The following PPP1R12B variants were observed in gnomAD, a reference collection of about 807,000 sequenced individuals.
The protein encoded by PPP1R12B is myosin phosphatase target subunit 2.
In PPP1R12B, 76 loss-of-function variants were observed where a neutral mutation model predicts 126.1. The observed-to-expected ratio is 0.60, with a 90% CI of 0.50 to 0.73. The LOEUF (loss-of-function observed/expected upper bound fraction) is 0.73, where lower values mean the gene tolerates loss of function less well. Ranked by LOEUF, PPP1R12B falls within the 30% of genes least tolerant of loss-of-function variation. PPP1R12B has a pLI of 0.00. For missense variants in PPP1R12B, 1,052 were observed against 1,205.1 expected (o/e 0.87, Z 1.88); for synonymous variants, 356 against 434.7 (o/e 0.82, Z 2.25).
intron 1 of PPP1R12B, among the ~76,000 whole-genome samples, chr1:202,396,125 T>G (rs1416226151): frequency 1.3e-5 from 2 of 152,214 alleles, no homozygotes; most frequent in Non-Finnish European, 2.9e-5. Flanking sequence ...CTGATCTGGC[T>G]TTTGTGTTTA....
intron 18 of PPP1R12B, among the ~76,000 whole-genome samples, chr1:202,541,848 G>A (rs1361763870): frequency 4.6e-5 from 7 of 152,062 alleles, no homozygotes; most frequent in Admixed American, 2.6e-4. Context: ...CCTCATCCCT[G>A]CCTTTTAGAC....
chr1:202,548,356 T>A (rs1174040492), intron 18 of PPP1R12B, among the ~76,000 whole-genome samples: 2 of 151,752 alleles, frequency 1.3e-5, no homozygotes, highest in Non-Finnish European at 2.9e-5. Flanking sequence ...GAATGTTTTG[T>A]TTTGTTTTGT....
At chr1:202,412,614 T>C (rs1454216028) in intron 1 of PPP1R12B, among the ~76,000 whole-genome samples, 2 of 152,192 alleles carry the variant, frequency 1.3e-5, no homozygotes, top group Non-Finnish European at 2.9e-5. Flanking sequence ...ATTTTGCAAC[T>C]CAGGAAGAAG....
chr1:202,494,583 A>T (rs1017568256), intron 15 of PPP1R12B, among the ~76,000 whole-genome samples: 19 of 59,244 alleles, frequency 3.2e-4, no homozygotes, highest in African/African-American at 5.2e-4. Context: ...TCTCAGGTTT[A>T]AAAAAAAAAA....
chr1:202,445,110 C>T lies in PPP1R12B; in HGVS notation c.1667+2538C>T, dbSNP rs185962951. 421 of 1,247,114 alleles carry T rather than the reference C, an allele frequency of 3.4e-4. No homozygotes were observed. The African/African-American group carries it at 5.7e-3, about 17-fold the overall frequency. The allele number at this position is 1,247,114 out of a possible 1,614,324, so 77.3% of individuals were successfully genotyped here. A position where few individuals can be genotyped will look rare whatever the true frequency, so the allele number is the denominator to read the frequency against. On this transcript the variant is annotated intron_variant, in intron 12 of 23. Coordinates refer to ENST00000608999, the MANE Select transcript of PPP1R12B (RefSeq NM_002481.4). The stretch of plus-strand genomic sequence containing the variant: ...CATTTCAGCCAATCGCAATTCATCT[C>T]CTGCTACCTCACCCATTACCATTGG...
intron 13 of PPP1R12B, chr1:202,462,705 T>C: frequency 1.1e-6 from 1 of 939,032 alleles, no homozygotes; most frequent in Non-Finnish European, 1.3e-6. Flanking sequence ...CCCTCCCTTG[T>C]TTTTTATCAG....
At chr1:202,441,731 C>T (rs1671639477) in intron 11 of PPP1R12B, among the ~76,000 whole-genome samples, 1 of 152,030 alleles carries the variant, frequency 6.6e-6, no homozygotes, top group African/African-American at 2.4e-5. Flanking sequence ...AGCAAGACTT[C>T]TTTCCCTTTC....
chr1:202,490,857 AT>A (rs1678770376), intron 14 of PPP1R12B, among the ~76,000 whole-genome samples: 2 of 152,182 alleles, frequency 1.3e-5, no homozygotes, highest in Non-Finnish European at 2.9e-5. Context: ...TTGTATATCC[AT>A]TCATCTGTCA....
chr1:202,559,153 T>A (rs1391334727), intron 19 of PPP1R12B, among the ~76,000 whole-genome samples: 1 of 152,194 alleles, frequency 6.6e-6, no homozygotes, highest in African/African-American at 2.4e-5. Context: ...TAATTTTTTT[T>A]AAAGCACCAG....
At chr1:202,502,456 C>T (rs1241203434) in intron 18 of PPP1R12B, 1 of 983,472 alleles carries the variant, frequency 1.0e-6, no homozygotes. Flanking sequence ...CCACTAAATG[C>T]ATTTTCCATT....
intron 13 of PPP1R12B, among the ~76,000 whole-genome samples, chr1:202,452,043 A>G (rs1194190921): frequency 6.6e-6 from 1 of 151,266 alleles, no homozygotes; most frequent in Admixed American, 6.6e-5. Context: ...GCGGCCGGGC[A>G]GAGGCGCTCC....
intron 13 of PPP1R12B, among the ~76,000 whole-genome samples, chr1:202,449,627 T>G (rs570078002): frequency 2.6e-4 from 39 of 151,988 alleles, no homozygotes; most frequent in African/African-American, 8.0e-4. Context: ...GAGCAGTCAG[T>G]TTTTGGTGAC....
chr1:202,411,309 A>G (rs1191949875), intron 1 of PPP1R12B, among the ~76,000 whole-genome samples: 1 of 151,632 alleles, frequency 6.6e-6, no homozygotes, highest in Non-Finnish European at 1.5e-5. Context: ...AGTCACTCCA[A>G]GGTGCTTCAT....
At position 202,365,998 on chromosome 1, in the gene PPP1R12B, C is replaced by T. The variant is rs186338610; in HGVS notation, c.291+16856C>T. ...GAGCAAGACCCTGTCCCTCCACTCC[C>T]GCCCCCCCACAAAAAAACCTCTTAG... On this transcript the variant is annotated intron_variant, in intron 1 of 23. Transcript: ENST00000608999. 2.3e-3 allele frequency among the ~76,000 whole-genome samples: 342 copies of T among 151,628 alleles called. 4 individuals carry two copies. Among genetic ancestry groups the T allele is most frequent in the African/African-American group, 7.3e-3 (301 of 41,370 alleles).
intron 18 of PPP1R12B, chr1:202,540,261 T>C (rs1410662970): frequency 1.9e-6 from 3 of 1,538,934 alleles, no homozygotes; most frequent in Non-Finnish European, 1.8e-6. Context: ...ATTTTTTATT[T>C]ACGTATGTTC....
chr1:202,418,753 G>C (rs2148623910), intron 2 of PPP1R12B, among the ~76,000 whole-genome samples: 1 of 152,030 alleles, frequency 6.6e-6, no homozygotes, highest in East Asian at 1.9e-4. Flanking sequence ...TTATTAGACA[G>C]GTTTTGACTT....
intron 1 of PPP1R12B, among the ~76,000 whole-genome samples, chr1:202,355,368 A>C (rs115334235): frequency 0.023 from 3,457 of 152,314 alleles, 133 homozygotes; most frequent in African/African-American, 0.078. Flanking sequence ...GATAAATAAA[A>C]AAAAGATTCC....
At chr1:202,371,777 C>A (rs1373396150) in intron 1 of PPP1R12B, among the ~76,000 whole-genome samples, 1 of 151,194 alleles carries the variant, frequency 6.6e-6, no homozygotes, top group Non-Finnish European at 1.5e-5. Context: ...TAACATTTTA[C>A]ATAAACATGG....
chr1:202,510,706 A>G (rs1681365428), intron 18 of PPP1R12B, among the ~76,000 whole-genome samples: 1 of 151,988 alleles, frequency 6.6e-6, no homozygotes. Flanking sequence ...ACATATATTT[A>G]TTGATGAGCC....
Sources: allele counts gnomAD v4.1 joint callset (sites outside exome capture counted in the v4.1 genomes callset), GRCh38; gene constraint gnomAD v4.1.1; transcripts MANE v1.5; gene names NCBI Gene and HGNC (gene_info 2026-07-23, HGNC 2026-07-21).